CHID1: variants seen among roughly 807,000 people sequenced by gnomAD.
CHID1 encodes the protein chitinase domain containing 1.
Under a neutral mutation model 55.4 loss-of-function variants are expected in CHID1, and 44 were observed. The ratio of observed to expected loss-of-function variants is 0.79; its 90% confidence interval spans 0.62 to 1.02. The LOEUF (loss-of-function observed/expected upper bound fraction) is 1.02, where lower values mean the gene tolerates loss of function less well. CHID1 is among the 50% of genes least tolerant of loss of function. The probability of loss-of-function intolerance (pLI) is 0.00; values close to 1 mark genes in which losing one functional copy is unlikely to be tolerated. For synonymous variants in CHID1, 216 were observed against 212.9 expected (o/e 1.01, Z -0.13); for missense variants, 491 against 515.3 (o/e 0.95, Z 0.46).
intron 7 of CHID1, 149 bp downstream of exon 7, chr11:899,191 G>A: frequency 1.4e-6 from 1 of 720,840 alleles, no homozygotes; most frequent in South Asian, 1.8e-5. Context: ...TCTCTGAGCA[G>A]GTGTCCATCT....
intron 10 of CHID1, among the ~76,000 whole-genome samples, chr11:873,832 G>A (rs1392413779): frequency 6.6e-6 from 1 of 152,156 alleles, no homozygotes; most frequent in Non-Finnish European, 1.5e-5. Flanking sequence ...TTTATGGTAT[G>A]TGAATTTCAT....
At chr11:914,711 GA>G, upstream of CHID1, 1 of 387,442 alleles carries the variant, frequency 2.6e-6, no homozygotes, top group Non-Finnish European at 4.5e-6. Flanking sequence ...CGACAGATAG[GA>G]CCCTGTCTCA....
intron 8 of CHID1, among the ~76,000 whole-genome samples, chr11:886,347 T>C (rs1850394257): frequency 6.6e-6 from 1 of 151,230 alleles, no homozygotes; most frequent in African/African-American, 2.4e-5. Context: ...TAGTCCCAGC[T>C]ACTTGGGGGG....
At chr11:902,805 A>T (rs1851917291) in intron 3 of CHID1, among the ~76,000 whole-genome samples, 157 bp downstream of exon 3, 2 of 152,156 alleles carry the variant, frequency 1.3e-5, no homozygotes, top group African/African-American at 4.8e-5. Flanking sequence ...CATCTCCAGA[A>T]TGGCATCTCT....
At chr11:883,951 T>C in intron 9 of CHID1, 117 bp downstream of exon 9, 1 of 801,472 alleles carries the variant, frequency 1.2e-6, no homozygotes, top group East Asian at 2.6e-5. Flanking sequence ...CAGGTGACCT[T>C]GTGCACAGAA....
upstream of CHID1, among the ~76,000 whole-genome samples, chr11:913,263 G>T (rs1852792345): frequency 6.6e-6 from 1 of 151,938 alleles, no homozygotes; most frequent in East Asian, 1.9e-4. Context: ...CAAACCTCCT[G>T]CGTCAGCCTC....
At chr11:911,028 C>A, upstream of CHID1, 1 of 155,056 alleles carries the variant, frequency 6.4e-6, no homozygotes, top group South Asian at 1.9e-4. Flanking sequence ...CCCTGGTGCT[C>A]GCGCTGGAGC....
At chr11:882,941 TG>T in intron 10 of CHID1, 1 of 553,234 alleles carries the variant, frequency 1.8e-6, no homozygotes, top group Non-Finnish European at 3.2e-6. Context: ...CGCAGATGTG[TG>T]GCCGTGTTAT....
intron 10 of CHID1, among the ~76,000 whole-genome samples, chr11:876,264 T>C (rs982403840): frequency 1.3e-5 from 2 of 152,188 alleles, no homozygotes; most frequent in African/African-American, 2.4e-5. Context: ...CATCTCACCC[T>C]GTGCACGTTG....
chr11:900,238 G>C, intron 5 of CHID1, 128 bp from the exon 6 acceptor site: 1 of 683,594 alleles, frequency 1.5e-6, no homozygotes, highest in South Asian at 1.7e-5. Flanking sequence ...TGAGGGGCAG[G>C]GAGGCCACCT....
At chr11:870,061 C>T in intron 12 of CHID1, 60 bp downstream of exon 12, 1 of 1,609,522 alleles carries the variant, frequency 6.2e-7, no homozygotes, top group East Asian at 2.2e-5. Flanking sequence ...CAGGCCAGTG[C>T]CTGCTGTGCT....
intron 4 of CHID1, among the ~76,000 whole-genome samples, chr11:901,949 ACT>A (rs1465405247): frequency 1.3e-5 from 2 of 151,708 alleles, no homozygotes; most frequent in African/African-American, 2.4e-5. Context: ...ACTCACACCC[ACT>A]GTCTCACACT....
At chr11:886,909 T>C (rs1324581320) in intron 8 of CHID1, among the ~76,000 whole-genome samples, 1 of 152,242 alleles carries the variant, frequency 6.6e-6, no homozygotes, top group African/African-American at 2.4e-5. Context: ...CTCTCATGAA[T>C]AACATGGTTG....
intron 8 of CHID1, among the ~76,000 whole-genome samples, chr11:888,956 C>T (rs1003801108): frequency 2.0e-5 from 3 of 152,218 alleles, no homozygotes; most frequent in East Asian, 1.9e-4. Flanking sequence ...CCCCTCCAGA[C>T]GGCTGGACGC....
chr11:870,331 C>T (rs1398291584), intron 11 of CHID1, 88 bp downstream of exon 11: 1 of 1,355,926 alleles, frequency 7.4e-7, no homozygotes, highest in African/African-American at 1.4e-5. Context: ...CCTGAGACCC[C>T]CTGGGCCCTG....
upstream of CHID1, chr11:910,858 C>A (rs1024746899): frequency 3.6e-5 from 39 of 1,082,684 alleles, no homozygotes; most frequent in Non-Finnish European, 4.4e-5. Context: ...CAGGCGCCCG[C>A]GCGCCGCCGC....
chr11:898,384 G>A (rs1405055834), intron 7 of CHID1, among the ~76,000 whole-genome samples: 1 of 152,150 alleles, frequency 6.6e-6, no homozygotes, highest in Non-Finnish European at 1.5e-5. Flanking sequence ...CAGAACCCAC[G>A]GCTCACACAG....
intron 2 of CHID1, chr11:903,606 C>A (rs542510637): frequency 4.7e-6 from 1 of 215,038 alleles, no homozygotes; most frequent in African/African-American, 2.4e-5. Context: ...CATGGTGAAA[C>A]CCCATCTCTA....
chr11:885,291 G>C (rs533851919), intron 8 of CHID1, among the ~76,000 whole-genome samples: 3 of 152,316 alleles, frequency 2.0e-5, no homozygotes, highest in African/African-American at 7.2e-5. Context: ...GACCCACCTG[G>C]CAGGTCTGAG....
Sources: gnomAD v4.1 joint callset for allele counts (sites outside exome capture counted in the v4.1 genomes callset) on GRCh38, gnomAD v4.1.1 for gene constraint, MANE v1.5 for transcripts, NCBI Gene and HGNC (gene_info 2026-07-23, HGNC 2026-07-21) for gene names.